DAB1: variants seen among roughly 807,000 people sequenced by gnomAD.
DAB1 encodes disabled homolog 1.
A neutral mutation model predicts 64.6 loss-of-function variants in DAB1; 15 were observed. That is an observed-to-expected ratio of 0.23 (90% CI 0.16 to 0.36). The LOEUF is 0.36. Ranked by LOEUF, DAB1 falls within the 10% of genes least tolerant of loss-of-function variation. The pLI is 1.00. For synonymous variants in DAB1, 235 were observed against 251.9 expected (o/e 0.93, Z 0.64); for missense variants, 596 against 706.7 (o/e 0.84, Z 1.78).
At chr1:57,149,002 C>T (rs1410275393) in intron 2 of DAB1, among the ~76,000 whole-genome samples, 1 of 152,204 alleles carries the variant, frequency 6.6e-6, no homozygotes, top group South Asian at 2.1e-4. Flanking sequence ...CTGTCACTCC[C>T]TATCTTCCCA....
At chr1:57,389,210 T>G (rs2100995634) in intron 1 of DAB1, among the ~76,000 whole-genome samples, 1 of 152,340 alleles carries the variant, frequency 6.6e-6, no homozygotes, top group Non-Finnish European at 1.5e-5. Context: ...CTTGACTTAT[T>G]TCTTGTCAAT....
At chr1:58,337,616 G>A (rs2100501636) in intron 4 of DAB1, among the ~76,000 whole-genome samples, 1 of 152,250 alleles carries the variant, frequency 6.6e-6, no homozygotes, top group South Asian at 2.1e-4. Context: ...TATGTAAAGT[G>A]AGAATAACAG....
chr1:57,954,137 C>T (rs892458047), intron 5 of DAB1, among the ~76,000 whole-genome samples: 3 of 152,040 alleles, frequency 2.0e-5, no homozygotes, highest in East Asian at 1.9e-4. Context: ...CCTAAAAGTT[C>T]GGATGTATTG....
At position 57,828,818 on chromosome 1, in the gene DAB1, A is replaced by G. The variant is rs557957540; in HGVS notation, n.88-2363T>C. ...CAGAAGTTGTAAATCATAAGTTTTT[A>G]CACTCTTAGAAAAAAGGCTGAGAGG... is the stretch of plus-strand genomic sequence containing the variant. On this transcript the variant is annotated intron_variant and non_coding_transcript_variant, in intron 1 of 1. Transcript: ENST00000477280. Among the ~76,000 whole-genome samples, 5 of 152,350 alleles carry G rather than the reference A, an allele frequency of 3.3e-5. No individual in the cohort carries two copies. The South Asian group carries it at 1.0e-3, about 32-fold the overall frequency.
chr1:58,372,240 T>A (rs1219984154), intron 3 of DAB1, among the ~76,000 whole-genome samples: 1 of 152,224 alleles, frequency 6.6e-6, no homozygotes, highest in Non-Finnish European at 1.5e-5. Flanking sequence ...TGCATCAGCA[T>A]TTCCTGGATG....
chr1:57,847,122 C>T, intron 1 of DAB1, among the ~76,000 whole-genome samples: 1 of 152,292 alleles, frequency 6.6e-6, no homozygotes, highest in Non-Finnish European at 1.5e-5. Context: ...ATCACTATTC[C>T]TCTGAGGTTT....
Position 57,181,955 on chromosome 1 carries a change from G to C in DAB1, c.68-36526C>G, listed in dbSNP as rs146000450. On this transcript the variant is annotated intron_variant, in intron 2 of 14. Transcript: ENST00000371236. ...GGCTGCAGTGCAGTGGTGCCATCTC[G>C]GCTTACTGCAACCTCTGCCTCCTGG... is the stretch of plus-strand genomic sequence containing the variant. Among the ~76,000 whole-genome samples the C allele has an allele frequency of 8.8e-3, 1,335 of 152,214 alleles. 30 individuals carry two copies. Among genetic ancestry groups the C allele is most frequent in the East Asian group, 0.08 (413 of 5,178 alleles).
intron 3 of DAB1, chr1:58,468,772 G>A (rs1569840965): frequency 6.5e-6 from 1 of 153,758 alleles, no homozygotes; most frequent in Non-Finnish European, 1.4e-5. Flanking sequence ...AGTCATCCAT[G>A]ACACCATCTC....
chr1:57,592,997 A>C (rs1290198505), intron 7 of DAB1, among the ~76,000 whole-genome samples: 1 of 152,208 alleles, frequency 6.6e-6, no homozygotes, highest in African/African-American at 2.4e-5. Context: ...GGAGAGACAC[A>C]GTTCAGTCCA....
At chr1:58,491,266 A>G (rs899964580) in intron 3 of DAB1, among the ~76,000 whole-genome samples, 3 of 152,216 alleles carry the variant, frequency 2.0e-5, no homozygotes, top group Admixed American at 6.5e-5. Flanking sequence ...TGAAGGAAGC[A>G]CTAAACATGG....
chr1:57,674,876 G>T (rs1230302069), intron 6 of DAB1, among the ~76,000 whole-genome samples: 1 of 152,116 alleles, frequency 6.6e-6, no homozygotes, highest in Admixed American at 6.6e-5. Context: ...TTCCAATGGT[G>T]GCCACAGTAA....
chr1:57,397,073 C>G (rs541931187), intron 1 of DAB1, among the ~76,000 whole-genome samples: 1 of 152,012 alleles, frequency 6.6e-6, no homozygotes, highest in Non-Finnish European at 1.5e-5. Context: ...TTAGAAGGAC[C>G]CTTAGAAACC....
chr1:57,114,806 T>C (rs1336641138), intron 4 of DAB1, among the ~76,000 whole-genome samples: 2 of 152,200 alleles, frequency 1.3e-5, no homozygotes, highest in African/African-American at 4.8e-5. Context: ...TGAGATGAGT[T>C]GAAGCGGCAA....
intron 5 of DAB1, among the ~76,000 whole-genome samples, chr1:57,958,931 A>G (rs1161328317): frequency 1.3e-5 from 2 of 152,226 alleles, no homozygotes; most frequent in African/African-American, 4.8e-5. Context: ...CTGTCTCCAA[A>G]TAAGATCACA....
intron 5 of DAB1, among the ~76,000 whole-genome samples, chr1:58,108,015 G>C (rs1651763372): frequency 6.6e-6 from 1 of 152,164 alleles, no homozygotes; most frequent in Non-Finnish European, 1.5e-5. Context: ...CAGGGGGACT[G>C]GACAATGGAC....
chr1:57,228,589 C>T (rs149219579), intron 2 of DAB1, among the ~76,000 whole-genome samples: 1,673 of 152,138 alleles, frequency 0.011, 13 homozygotes, highest in Non-Finnish European at 0.016. Context: ...TTAATTATTG[C>T]TTTTTACATG....
chr1:57,439,418 G>GTTTTTTTTTTTTGTTTTTTTTTGT lies in DAB1; in HGVS notation n.626-148253_626-148252insACAAAAAAAAACAAAAAAAAAAAA. Among the ~76,000 whole-genome samples the GTTTTTTTTTTTTGTTTTTTTTTGT allele has an allele frequency of 2.5e-4, 29 of 116,164 alleles. 2 individuals are homozygous for GTTTTTTTTTTTTGTTTTTTTTTGT. In the East Asian group the frequency reaches 3.3e-3, roughly 13 times the overall value. The allele number at this position is 116,164 out of a possible 152,430, so 76.2% of individuals were successfully genotyped here. A position where few individuals can be genotyped will look rare whatever the true frequency, so the allele number is the denominator to read the frequency against. On this transcript the variant is annotated intron_variant and non_coding_transcript_variant, in intron 7 of 20. Transcript: ENST00000485760. ...GCCATGCCATCAACTTGGTGATGAG[G>GTTTTTTTTTTTTGTTTTTTTTTGT]TTTTTTCTTTTTTTTTTTTTTTTTT...
intron 3 of DAB1, among the ~76,000 whole-genome samples, chr1:58,462,282 G>A (rs996398018): frequency 2.0e-5 from 3 of 151,676 alleles, no homozygotes; most frequent in East Asian, 3.9e-4. Flanking sequence ...GCCCGCCACC[G>A]CGCCCGGCTA....
intron 2 of DAB1, among the ~76,000 whole-genome samples, chr1:57,208,632 G>A (rs571840188): frequency 6.6e-6 from 1 of 152,336 alleles, no homozygotes; most frequent in Non-Finnish European, 1.5e-5. Context: ...TAAGTGATGA[G>A]TAGTTATTTT....
Sources: gnomAD v4.1 joint callset for allele counts (sites outside exome capture counted in the v4.1 genomes callset) on GRCh38, gnomAD v4.1.1 for gene constraint, MANE v1.5 for transcripts, NCBI Gene and HGNC (gene_info 2026-07-23, HGNC 2026-07-21) for gene names.